CPA5: variants seen among roughly 807,000 people sequenced by gnomAD.
CPA5 encodes the protein carboxypeptidase A5.
CPA5 carries 38 observed loss-of-function variants against 52.2 expected under a neutral mutation model. That is an observed-to-expected ratio of 0.73 (90% CI 0.56 to 0.95). The LOEUF (loss-of-function observed/expected upper bound fraction) is 0.95. Among genes scored for constraint, CPA5 ranks in the 40% least tolerant of loss-of-function variants. The pLI is 0.00. For missense variants in CPA5, 519 were observed against 566.7 expected (o/e 0.92, Z 0.86); for synonymous variants, 198 against 213.7 (o/e 0.93, Z 0.64).
At chr7:130,372,676 G>A (rs886176441), downstream of CPA5, among the ~76,000 whole-genome samples, 10 of 152,298 alleles carry the variant, frequency 6.6e-5, no homozygotes, top group South Asian at 2.1e-4. Flanking sequence ...TGTGTCATGC[G>A]GCCATGCCTA....
In CPA5 at chr7:130,349,785, G is replaced by A. The variant is rs536765255; in HGVS notation, c.199-190G>A. On this transcript the variant is annotated intron_variant, in intron 4 of 12. Coordinates refer to ENST00000474905, the MANE Select transcript of CPA5 (RefSeq NM_080385.5). Reference sequence around the variant, plus strand: ...TTTGTATAGGAAAGAGCATAGTCTAGGGTTCAGTACTATCTGCTGTTTCAG... The same window carrying A: ...TTTGTATAGGAAAGAGCATAGTCTAAGGTTCAGTACTATCTGCTGTTTCAG... Among the ~76,000 whole-genome samples the A allele has an allele frequency of 4.6e-5, 7 of 151,246 alleles. No individual in the cohort carries two copies. In the South Asian group the frequency reaches 1.5e-3, roughly 32 times the overall value.
chr7:130,367,324 G>A, intron 10 of CPA5, 48 bp from the exon 11 acceptor site: 1 of 1,551,084 alleles, frequency 6.4e-7, no homozygotes, highest in Non-Finnish European at 8.9e-7. Flanking sequence ...CACCGTCTGT[G>A]TCGCACGTGG....
chr7:130,367,747 C>A, intron 11 of CPA5, 159 bp from the exon 12 acceptor site: 1 of 854,894 alleles, frequency 1.2e-6, no homozygotes, highest in Middle Eastern at 3.3e-4. Context: ...TGATCAAGTT[C>A]AAAGCTGGAA....
chr7:130,351,627 G>T (rs998784674), intron 5 of CPA5, among the ~76,000 whole-genome samples: 1 of 152,214 alleles, frequency 6.6e-6, no homozygotes, highest in Non-Finnish European at 1.5e-5. Context: ...TTTTGGCTTA[G>T]AGGGAGCTGG....
At chr7:130,347,677 C>T in intron 3 of CPA5, 89 bp from the exon 4 acceptor site, 1 of 1,126,910 alleles carries the variant, frequency 8.9e-7, no homozygotes, top group Non-Finnish European at 1.3e-6. Flanking sequence ...CTCAGCTGGG[C>T]CTCTGCTCCA....
intron 10 of CPA5, among the ~76,000 whole-genome samples, chr7:130,364,963 G>C (rs1332292239): frequency 6.6e-6 from 1 of 152,224 alleles, no homozygotes; most frequent in Non-Finnish European, 1.5e-5. Flanking sequence ...CCCAGACATG[G>C]CATCTGCACT....
At chr7:130,351,468 C>T (rs1224829246) in intron 5 of CPA5, among the ~76,000 whole-genome samples, 1 of 152,236 alleles carries the variant, frequency 6.6e-6, no homozygotes, top group Non-Finnish European at 1.5e-5. Context: ...GTCCTCTCCC[C>T]ACATCCGCAG....
chr7:130,351,861 C>T (rs1043136713), intron 5 of CPA5, among the ~76,000 whole-genome samples: 3 of 152,128 alleles, frequency 2.0e-5, no homozygotes, highest in Non-Finnish European at 4.4e-5. Context: ...AGGGTGGGCC[C>T]TCTGCGGTTG....
chr7:130,373,657 G>GCT (rs1796314595), downstream of CPA5, among the ~76,000 whole-genome samples: 2 of 152,118 alleles, frequency 1.3e-5, no homozygotes, highest in African/African-American at 4.8e-5. Context: ...GGCCCAGACA[G>GCT]AAAACGACTT....
At chr7:130,359,212 A>C (rs1251891590) in intron 5 of CPA5, among the ~76,000 whole-genome samples, 1 of 152,168 alleles carries the variant, frequency 6.6e-6, no homozygotes, top group East Asian at 1.9e-4. Context: ...TCCCCCAAAA[A>C]CACCTTCAAA....
At chr7:130,362,575 TG>T (rs1562958238) in intron 8 of CPA5, 36 bp downstream of exon 8, 3 of 1,464,526 alleles carry the variant, frequency 2.0e-6, no homozygotes, top group South Asian at 1.1e-5. Context: ...GCACCCACGA[TG>T]GGGGCTGCAA....
intron 5 of CPA5, among the ~76,000 whole-genome samples, chr7:130,355,761 A>T (rs1795442915): frequency 6.6e-6 from 1 of 152,166 alleles, no homozygotes; most frequent in Non-Finnish European, 1.5e-5. Flanking sequence ...CATGACCTCC[A>T]TTTTACAATG....
At chr7:130,355,699 G>A (rs1795439358) in intron 5 of CPA5, among the ~76,000 whole-genome samples, 1 of 152,202 alleles carries the variant, frequency 6.6e-6, no homozygotes, top group African/African-American at 2.4e-5. Flanking sequence ...GTCAGCCACT[G>A]CGCCTGGCTC....
At chr7:130,361,355 G>A in intron 7 of CPA5, 111 bp downstream of exon 7, 1 of 718,286 alleles carries the variant, frequency 1.4e-6, no homozygotes, top group South Asian at 1.7e-5. Flanking sequence ...AGGACAATTT[G>A]TCTACTCCTG....
chr7:130,348,026 G>A (rs1794881158), intron 4 of CPA5, among the ~76,000 whole-genome samples, 179 bp downstream of exon 4: 6 of 152,198 alleles, frequency 3.9e-5, no homozygotes, highest in Admixed American at 3.9e-4. Flanking sequence ...CACCTGCCCA[G>A]AAATTTGGGC....
chr7:130,358,088 C>T (rs782330312), intron 5 of CPA5, among the ~76,000 whole-genome samples: 2 of 151,950 alleles, frequency 1.3e-5, no homozygotes, highest in East Asian at 1.9e-4. Flanking sequence ...CTCCAACTCC[C>T]GGGCTCAAGC....
At chr7:130,354,894 T>C (rs1795384442) in intron 5 of CPA5, among the ~76,000 whole-genome samples, 1 of 152,142 alleles carries the variant, frequency 6.6e-6, no homozygotes, top group Admixed American at 6.5e-5. Flanking sequence ...CATGCCTGGC[T>C]TGAATAGCAG....
intron 5 of CPA5, among the ~76,000 whole-genome samples, chr7:130,351,638 G>T (rs1455981815): frequency 6.6e-6 from 1 of 152,188 alleles, no homozygotes; most frequent in Admixed American, 6.5e-5. Context: ...AGGGAGCTGG[G>T]GGTGGGGTGG....
At chr7:130,349,456 A>G (rs963953913) in intron 4 of CPA5, among the ~76,000 whole-genome samples, 1 of 152,202 alleles carries the variant, frequency 6.6e-6, no homozygotes, top group Non-Finnish European at 1.5e-5. Flanking sequence ...AAACTTTATT[A>G]TAGGTCTGTC....
Sources: allele counts gnomAD v4.1 joint callset (sites outside exome capture counted in the v4.1 genomes callset), GRCh38; gene constraint gnomAD v4.1.1; transcripts MANE v1.5; gene names NCBI Gene and HGNC (gene_info 2026-07-23, HGNC 2026-07-21).